PLK5: variants seen among roughly 807,000 people sequenced by gnomAD.
PLK5 encodes polo like kinase 5 (inactive).
Under a neutral mutation model 33.7 loss-of-function variants are expected in PLK5, and 28 were observed. The ratio of observed to expected loss-of-function variants is 0.83; its 90% confidence interval spans 0.62 to 1.14. The LOEUF is 1.14. PLK5 is among the 50% of genes most tolerant of loss of function. The pLI is 0.00. For synonymous variants in PLK5, 225 were observed against 202.2 expected, an observed-to-expected ratio of 1.11 and a Z score of -0.96; for missense variants, 492 against 461.5, an observed-to-expected ratio of 1.07 and a Z score of -0.61.
At chr19:1,527,810 T>C in intron 6 of PLK5, 126 bp from the exon 7 acceptor site, 1 of 945,066 alleles carries the variant, frequency 1.1e-6, no homozygotes, top group Non-Finnish European at 1.6e-6. Context: ...TGCAGGCGGA[T>C]GTTGGGAGAT....
intron 11 of PLK5, among the ~76,000 whole-genome samples, chr19:1,531,023 G>T (rs1010842847): frequency 6.6e-6 from 1 of 151,872 alleles, no homozygotes; most frequent in Non-Finnish European, 1.5e-5. Flanking sequence ...GCTCGGAGGT[G>T]GAGGCTGCAG....
At position 1,535,191 on chromosome 19, in the gene PLK5, TGCG is replaced by T. The variant is rs1477024380; in HGVS notation, c.953_955del (p.Cys318_Ala319delinsSer). 2.6e-6 allele frequency: 4 copies of T among 1,517,338 alleles called. No homozygotes were observed. In the African/African-American group the frequency reaches 6.3e-5, roughly 24 times the overall value. The allele number at this position is 1,517,338 out of a possible 1,614,324, so 94.0% of individuals were successfully genotyped here. ...CCTGGACGTCCCGCGGAGCCACGGC[TGCG>T]CCCCCACCACCGGACAGCACCTTCA... On this transcript the variant is annotated inframe_deletion, in exon 14 of 14. Transcript: ENST00000454744.
Position 1,535,341 on chromosome 19 carries a change from C to T in PLK5, c.*91C>T. ...CTGTGGCTCCCCCAGAGGGGCTGTC[C>T]TGGGGGAGGGCTGGGGGGCACACGG... is the stretch of plus-strand genomic sequence containing the variant. On this transcript the variant is annotated 3_prime_UTR_variant, in exon 14 of 14. Transcript: ENST00000454744. 7.2e-7 allele frequency: 1 copy of T among 1,395,756 alleles called. No individual in the cohort carries two copies. The highest frequency in any genetic ancestry group is 9.5e-7 in the Non-Finnish European group (1 of 1,047,490). 86.5% of individuals were successfully genotyped at this position (1,395,756 alleles called of 1,614,324 possible). A position where few individuals can be genotyped will look rare whatever the true frequency, so the allele number is the denominator to read the frequency against.
chr19:1,529,533 G>A (rs1161573688), intron 10 of PLK5, 43 bp downstream of exon 10: 5 of 1,511,204 alleles, frequency 3.3e-6, no homozygotes, highest in Non-Finnish European at 4.4e-6. Context: ...AGGTGGGGAG[G>A]GAGGAATTAC....
intron 10 of PLK5, 109 bp from the exon 11 acceptor site, chr19:1,529,638 G>A (rs918484087): frequency 6.4e-6 from 9 of 1,413,488 alleles, no homozygotes; most frequent in Admixed American, 2.0e-5. Flanking sequence ...GCCGCCTCTG[G>A]GTTGAGGATG....
intron 7 of PLK5, 43 bp downstream of exon 7, chr19:1,528,177 C>T (rs954718963): frequency 6.5e-6 from 10 of 1,529,842 alleles, no homozygotes; most frequent in Non-Finnish European, 8.8e-6. Context: ...CGTGGGGTCC[C>T]TGGCAGGTGA....
At chr19:1,533,648 G>A (rs1379503850) in intron 12 of PLK5, 2 of 552,870 alleles carry the variant, frequency 3.6e-6, no homozygotes, top group Non-Finnish European at 6.5e-6. Flanking sequence ...CATTCCAGGG[G>A]GTGTAGGTCA....
At chr19:1,527,468 G>A (rs992637027) in intron 6 of PLK5, among the ~76,000 whole-genome samples, 4 of 152,132 alleles carry the variant, frequency 2.6e-5, no homozygotes, top group African/African-American at 9.7e-5. Context: ...CAGGAGTGGT[G>A]GTGTGCACCT....
rs1913871064 is a variant in PLK5, at chr19:1,529,730, A to G, written c.491-17A>G. ...GGAACCCAGACCTGTCTGCGGCACA[A>G]AGACCTGTCTTCCCAGGGCCCGAGG... On this transcript the variant is annotated splice_polypyrimidine_tract_variant and intron_variant, in intron 10 of 13. Transcript: ENST00000454744. 1.3e-6 allele frequency: 2 copies of G among 1,535,738 alleles called. No individual in the cohort carries two copies. The highest frequency in any genetic ancestry group is 1.7e-6 in the Non-Finnish European group (2 of 1,146,752).
chr19:1,529,718 G>A (rs750434261), intron 10 of PLK5, 29 bp from the exon 11 acceptor site: 6 of 1,535,518 alleles, frequency 3.9e-6, no homozygotes, highest in Middle Eastern at 1.7e-4. Flanking sequence ...ACCCAGACCT[G>A]TCTGCGGCAC....
intron 11 of PLK5, 73 bp from the exon 12 acceptor site, chr19:1,531,665 A>G (rs1432696223): frequency 6.7e-7 from 1 of 1,487,288 alleles, no homozygotes; most frequent in South Asian, 1.3e-5. Flanking sequence ...GTTTCAGTCC[A>G]TCACATTTAT....
chr19:1,532,273 G>A (rs779458133), intron 12 of PLK5, among the ~76,000 whole-genome samples: 1 of 152,108 alleles, frequency 6.6e-6, no homozygotes, highest in African/African-American at 2.4e-5. Flanking sequence ...TGGTGTGGTG[G>A]CACACACCTA....
chr19:1,535,188 G>A lies in PLK5; in HGVS notation c.949G>A (p.Gly317Ser), dbSNP rs1194098950. 24 of 1,517,802 alleles carry A rather than the reference G, an allele frequency of 1.6e-5. No individual in the cohort carries two copies. The highest frequency in any genetic ancestry group is 2.0e-5 in the Admixed American group (1 of 48,822). 94.0% of individuals were successfully genotyped at this position (1,517,802 alleles called of 1,614,324 possible). Residue 317 changes from glycine to serine, a missense_variant, in exon 14 of 14, where the codon GGC (glycine) becomes AGC (serine). Coordinates refer to ENST00000454744, the MANE Select transcript of PLK5 (RefSeq NM_001243079.2). ...SYSLDVPRSH[G>S]CAPTTGQHLH... ...CTCCCTGGACGTCCCGCGGAGCCACGGCTGCGCCCCCACCACCGGACAGCA... is the reference window on the plus strand; with the variant it reads ...CTCCCTGGACGTCCCGCGGAGCCACAGCTGCGCCCCCACCACCGGACAGCA...
chr19:1,528,087 G>T lies in PLK5; in HGVS notation c.154G>T (p.Glu52Ter), dbSNP rs1307936973. The change falls in exon 7 of 14, where the codon GAG (glutamate) becomes TAG (stop). Residue 52 changes from glutamate (E) to a stop codon, truncating the protein, a stop_gained. Transcript: ENST00000454744. LOFTEE classifies it high-confidence loss of function. ...IVHLLAPNPAERPSLDHLLQD... is the reference protein window; with the variant it reads ...IVHLLAPNPA The stretch of plus-strand genomic sequence containing the variant: ...GCACCTCCTAGCACCCAACCCGGCC[G>T]AGCGGCCCAGCCTGGACCACCTGCT... 15 of 1,535,840 alleles carry T rather than the reference G, an allele frequency of 9.8e-6. No homozygotes were observed. In the Admixed American group the frequency reaches 2.2e-4, roughly 22 times the overall value.
intron 11 of PLK5, among the ~76,000 whole-genome samples, chr19:1,530,604 A>AT (rs759461067): frequency 0.025 from 925 of 36,570 alleles, 196 homozygotes; most frequent in Admixed American, 0.038. Context: ...GCCTGGGCGC[A>AT]TTTTTTTTTT....
chr19:1,528,166 G>A (rs1913801780), intron 7 of PLK5, 32 bp downstream of exon 7: 6 of 1,532,006 alleles, frequency 3.9e-6, no homozygotes, highest in African/African-American at 1.4e-5. Context: ...GGGGTCCCTG[G>A]CGTGGGGTCC....
Position 1,535,323 on chromosome 19 carries a change from TCCCCCAGAGG to T in PLK5, c.*74_*83del. On this transcript the variant is annotated 3_prime_UTR_variant, in exon 14 of 14. Transcript: ENST00000454744. ...CAGGCTCCATTTCCATTCCTGTGGC[TCCCCCAGAGG>T]GGCTGTCCTGGGGGAGGGCTGGGGG... 6.9e-7 allele frequency: 1 copy of T among 1,452,520 alleles called. No homozygotes were observed. The highest frequency in any genetic ancestry group is 1.3e-5 in the South Asian group (1 of 77,426). The allele number at this position is 1,452,520 out of a possible 1,614,324, so 90.0% of individuals were successfully genotyped here. A position where few individuals can be genotyped will look rare whatever the true frequency, so the allele number is the denominator to read the frequency against.
At chr19:1,530,593 C>T (rs1158043029) in intron 11 of PLK5, among the ~76,000 whole-genome samples, 10 of 148,378 alleles carry the variant, frequency 6.7e-5, no homozygotes, top group South Asian at 2.1e-4. Flanking sequence ...TCAGCCACCA[C>T]GCCTGGGCGC....
intron 13 of PLK5, 64 bp from the exon 14 acceptor site, chr19:1,535,001 G>A (rs1599309036): frequency 5.8e-6 from 8 of 1,377,370 alleles, no homozygotes; most frequent in South Asian, 1.5e-5. Context: ...CTTCTGGAGC[G>A]CCACGGCTGG....
Sources: allele counts gnomAD v4.1 joint callset (sites outside exome capture counted in the v4.1 genomes callset), GRCh38; gene constraint gnomAD v4.1.1; transcripts MANE v1.5; gene names NCBI Gene and HGNC (gene_info 2026-07-23, HGNC 2026-07-21).